The following ANO3 variants were observed in gnomAD, a reference collection of about 807,000 sequenced individuals.
The protein encoded by ANO3 is anoctamin-3.
In ANO3, 99 loss-of-function variants were observed where a neutral mutation model predicts 144.8. The observed-to-expected ratio is 0.68, with a 90% CI of 0.58 to 0.81. The LOEUF is 0.81. ANO3 is among the 30% of genes least tolerant of loss of function. The probability of loss-of-function intolerance (pLI) is 0.00; values close to 1 mark genes in which losing one functional copy is unlikely to be tolerated. For synonymous variants in ANO3, 414 were observed against 392.6 expected, an observed-to-expected ratio of 1.05 and a Z score of -0.64; for missense variants, 905 against 1,202.2, an observed-to-expected ratio of 0.75 and a Z score of 3.66.
intron 14 of ANO3, among the ~76,000 whole-genome samples, chr11:26,589,372 T>C (rs1851377589): frequency 6.6e-6 from 1 of 151,556 alleles, no homozygotes; most frequent in Non-Finnish European, 1.5e-5. Context: ...GATTTTTAGT[T>C]ACAAAGAAAG....
chr11:26,322,944 A>G (rs1854796166), intron 1 of ANO3, among the ~76,000 whole-genome samples: 1 of 152,068 alleles, frequency 6.6e-6, no homozygotes, highest in Non-Finnish European at 1.5e-5. Flanking sequence ...TCAATTACTT[A>G]TGTCATCATG....
chr11:26,322,846 C>T (rs1037519764), intron 1 of ANO3, among the ~76,000 whole-genome samples: 3 of 152,074 alleles, frequency 2.0e-5, no homozygotes, highest in African/African-American at 7.2e-5. Context: ...GGGAGTTATG[C>T]TTCTCCTCTT....
At chr11:26,596,504 G>A (rs1851633065) in intron 14 of ANO3, among the ~76,000 whole-genome samples, 1 of 152,188 alleles carries the variant, frequency 6.6e-6, no homozygotes, top group Non-Finnish European at 1.5e-5. Context: ...AACTGCCCAT[G>A]TCGAGAGCTG....
chr11:26,278,076 T>G (rs1590230114), intron 1 of ANO3, among the ~76,000 whole-genome samples: 1 of 152,236 alleles, frequency 6.6e-6, no homozygotes, highest in Non-Finnish European at 1.5e-5. Flanking sequence ...CCTATCAGTC[T>G]AGTAACGACC....
chr11:26,230,079 G>A (rs1320785044), intron 1 of ANO3, among the ~76,000 whole-genome samples: 1 of 152,162 alleles, frequency 6.6e-6, no homozygotes. Flanking sequence ...GGATAGACTA[G>A]TTGCCTAAAA....
intron 1 of ANO3, among the ~76,000 whole-genome samples, chr11:26,244,166 T>C (rs886410899): frequency 2.0e-5 from 3 of 146,984 alleles, no homozygotes; most frequent in African/African-American, 7.6e-5. Flanking sequence ...AAAGAAAAAA[T>C]GAGTGTGATC....
At chr11:26,641,166 A>G (rs1853137632) in intron 21 of ANO3, among the ~76,000 whole-genome samples, 1 of 151,898 alleles carries the variant, frequency 6.6e-6, no homozygotes, top group Non-Finnish European at 1.5e-5. Flanking sequence ...ACTTGGGCTA[A>G]GAAAACAGTA....
Position 26,541,931 on chromosome 11 carries a change from A to T in ANO3, c.1033-16A>T. On this transcript the variant is annotated splice_polypyrimidine_tract_variant and intron_variant, in intron 10 of 26. Coordinates refer to ENST00000256737, the MANE Select transcript of ANO3 (RefSeq NM_031418.4). ...TAAAAAATAGAACCAAATGTATCTT[A>T]CTTTATCTGTTGCAGGGAGCCTACA... is the stretch of plus-strand genomic sequence containing the variant. 6.2e-7 allele frequency: 1 copy of T among 1,602,334 alleles called. No individual in the cohort carries two copies. Among genetic ancestry groups the T allele is most frequent in the South Asian group, 1.1e-5 (1 of 88,828 alleles).
At chr11:26,241,740 G>A (rs1852668009) in intron 1 of ANO3, among the ~76,000 whole-genome samples, 1 of 152,004 alleles carries the variant, frequency 6.6e-6, no homozygotes. Flanking sequence ...ATATCATGTA[G>A]TGCTATAAAA....
chr11:26,249,219 G>A lies in ANO3; in HGVS notation c.154+59889G>A, dbSNP rs1051721694. On this transcript the variant is annotated intron_variant, in intron 1 of 27. Transcript: ENST00000672621. ...TGATTGCCATGTTTAAACAAGACCCGCTTAATGTAGACATCCTTCAGTAAC... is the reference window on the plus strand; with the variant it reads ...TGATTGCCATGTTTAAACAAGACCCACTTAATGTAGACATCCTTCAGTAAC... Among the ~76,000 whole-genome samples, 5 of 152,132 alleles carry A rather than the reference G, an allele frequency of 3.3e-5. No individual in the cohort carries two copies. In the South Asian group the frequency reaches 1.0e-3, roughly 32 times the overall value.
intron 18 of ANO3, among the ~76,000 whole-genome samples, chr11:26,628,873 T>C (rs939050494): frequency 6.6e-6 from 1 of 152,204 alleles, no homozygotes; most frequent in African/African-American, 2.4e-5. Flanking sequence ...AGCCTTCTTC[T>C]CCTCTATGTG....
chr11:26,509,873 A>G (rs536278131), intron 5 of ANO3, among the ~76,000 whole-genome samples: 2 of 152,108 alleles, frequency 1.3e-5, no homozygotes, highest in Non-Finnish European at 1.5e-5. Flanking sequence ...GCCTGGCGCC[A>G]TGGCTCACGC....
chr11:26,540,941 A>T (rs534318410), intron 10 of ANO3, among the ~76,000 whole-genome samples: 2 of 152,310 alleles, frequency 1.3e-5, no homozygotes, highest in Admixed American at 1.3e-4. Flanking sequence ...CAATCCTATT[A>T]CTGGGTATAT....
chr11:26,452,908 G>A (rs1480498424), intron 3 of ANO3, among the ~76,000 whole-genome samples: 1 of 152,224 alleles, frequency 6.6e-6, no homozygotes, highest in Admixed American at 6.5e-5. Context: ...AGCCAGAAGA[G>A]AGTGGGGCCC....
intron 14 of ANO3, among the ~76,000 whole-genome samples, chr11:26,569,460 G>T (rs1157004647): frequency 6.6e-6 from 1 of 152,064 alleles, no homozygotes; most frequent in Admixed American, 6.6e-5. Flanking sequence ...GGAGAGCCAG[G>T]TTACGCCACT....
At chr11:26,538,222 C>G (rs1849559186) in intron 10 of ANO3, among the ~76,000 whole-genome samples, 1 of 152,072 alleles carries the variant, frequency 6.6e-6, no homozygotes, top group Admixed American at 6.6e-5. Flanking sequence ...TTGCAACAAC[C>G]CTTTGAGATA....
At chr11:26,491,380 A>G (rs1413116743) in intron 4 of ANO3, among the ~76,000 whole-genome samples, 2 of 152,196 alleles carry the variant, frequency 1.3e-5, no homozygotes, top group African/African-American at 4.8e-5. Context: ...ATAAGCAACA[A>G]CTTCGATTGA....
At chr11:26,476,891 G>A (rs535209920) in intron 4 of ANO3, among the ~76,000 whole-genome samples, 2 of 133,648 alleles carry the variant, frequency 1.5e-5, no homozygotes, top group East Asian at 4.8e-4. Flanking sequence ...TTATAATTTT[G>A]TGTGTGTGTG....
chr11:26,369,016 T>TC (rs1018150450), intron 1 of ANO3, among the ~76,000 whole-genome samples: 14 of 152,010 alleles, frequency 9.2e-5, no homozygotes, highest in African/African-American at 1.9e-4. Context: ...GCAATTTCAT[T>TC]CCCCCCCAGC....
Sources: allele counts gnomAD v4.1 joint callset (sites outside exome capture counted in the v4.1 genomes callset), GRCh38; gene constraint gnomAD v4.1.1; transcripts MANE v1.5; gene names NCBI Gene and HGNC (gene_info 2026-07-23, HGNC 2026-07-21).